PAH: variants seen among roughly 807,000 people sequenced by gnomAD.
The protein encoded by PAH is phenylalanine-4-hydroxylase.
In PAH, 64 loss-of-function variants were observed where a neutral mutation model predicts 62.0. The ratio of observed to expected loss-of-function variants is 1.03; its 90% CI spans 0.84 to 1.27. The LOEUF (loss-of-function observed/expected upper bound fraction) is 1.27. Ranked by LOEUF, PAH falls within the 50% of genes most tolerant of loss-of-function variation. The probability of loss-of-function intolerance (pLI) is 0.00; values close to 1 mark genes in which losing one functional copy is unlikely to be tolerated. For synonymous variants in PAH, 195 were observed against 196.2 expected (o/e 0.99, Z 0.05); for missense variants, 579 against 542.8 (o/e 1.07, Z -0.66).
chr12:102,842,059 A>C (rs1874616726), intron 11 of PAH, among the ~76,000 whole-genome samples: 1 of 152,100 alleles, frequency 6.6e-6, no homozygotes. Context: ...TGGGGTTTTC[A>C]TGGTTGTTTC....
intron 4 of PAH, among the ~76,000 whole-genome samples, chr12:102,875,807 G>A (rs1226423291): frequency 1.3e-5 from 2 of 152,134 alleles, no homozygotes; most frequent in Non-Finnish European, 2.9e-5. Flanking sequence ...AAGTTCACGT[G>A]AAAATACATA....
chr12:102,909,470 T>C (rs1009073828), intron 2 of PAH, among the ~76,000 whole-genome samples: 7 of 152,188 alleles, frequency 4.6e-5, no homozygotes, highest in South Asian at 2.1e-4. Context: ...TTTGGTCACA[T>C]GGCTGAGGTG....
chr12:102,954,279 A>C (rs569867279), upstream of PAH, among the ~76,000 whole-genome samples: 1 of 152,328 alleles, frequency 6.6e-6, no homozygotes, highest in Admixed American at 6.5e-5. Flanking sequence ...AATGACAGGA[A>C]TGACTCACCC....
At chr12:102,844,730 C>A (rs1030600808) in intron 9 of PAH, among the ~76,000 whole-genome samples, 1 of 152,146 alleles carries the variant, frequency 6.6e-6, no homozygotes, top group Non-Finnish European at 1.5e-5. Context: ...GTTTCTCCTA[C>A]CCTTAGACAT....
At chr12:102,857,281 T>G (rs2136652166) in intron 5 of PAH, among the ~76,000 whole-genome samples, 1 of 151,308 alleles carries the variant, frequency 6.6e-6, no homozygotes. Context: ...GAAAAAAGAG[T>G]AAAAAGAAAT....
rs181384745 is a variant in PAH at position 102,950,626 on chromosome 12, G to A, written c.-133C>T. On this transcript the variant is annotated 5_prime_UTR_variant, in exon 1 of 4. Coordinates refer to the PAH transcript ENST00000546844. ...GGTAAACTGCCCTTGCTTTCCGGAGGCGGCAGGAACGTTTCAGGAGCTCCA... is the reference window on the plus strand; with the variant it reads ...GGTAAACTGCCCTTGCTTTCCGGAGACGGCAGGAACGTTTCAGGAGCTCCA... 2.1e-3 allele frequency: 323 copies of A among 152,454 alleles called. 4 individuals carry two copies. In the South Asian group the frequency reaches 0.033, roughly 16 times the overall value. The allele number at this position is 152,454 out of a possible 1,614,324, so 9.4% of individuals were successfully genotyped here. A position where few individuals can be genotyped will look rare whatever the true frequency, so the allele number is the denominator to read the frequency against.
Position 102,855,261 on chromosome 12 carries a change from A to C in PAH, c.581T>G (p.Leu194Arg). Residue 194 changes from leucine to arginine, a missense_variant, in exon 6 of 13, where the codon CTG becomes CGG. Transcript: ENST00000553106. ...KKTWGTVFKT[L>R]KSLYKTHACY... ...AGCATGGGTTTTATACAAGGACTTC[A>C]GAGTCTTGAACACTGTGCCCCATGT... 3.1e-6 allele frequency: 5 copies of C among 1,614,120 alleles called. No individual in the cohort carries two copies. The highest frequency in any genetic ancestry group is 4.2e-6 in the Non-Finnish European group (5 of 1,179,942).
At chr12:102,925,099 G>A (rs1410601922) in intron 1 of PAH, among the ~76,000 whole-genome samples, 1 of 152,118 alleles carries the variant, frequency 6.6e-6, no homozygotes, top group Non-Finnish European at 1.5e-5. Flanking sequence ...AATAAAAACT[G>A]CCTTTCCCAG....
intron 2 of PAH, among the ~76,000 whole-genome samples, chr12:102,896,418 T>G (rs1877504730): frequency 6.6e-6 from 1 of 152,164 alleles, no homozygotes; most frequent in African/African-American, 2.4e-5. Flanking sequence ...ATAGGGATCT[T>G]TGCAAGATTT....
intron 1 of PAH, among the ~76,000 whole-genome samples, chr12:102,916,144 A>T (rs1014349563): frequency 4.7e-5 from 7 of 149,960 alleles, no homozygotes; most frequent in African/African-American, 7.3e-5. Flanking sequence ...TTCATAAGAA[A>T]TTTTTTTTTT....
intron 3 of PAH, among the ~76,000 whole-genome samples, chr12:102,879,629 C>T (rs1876736411): frequency 6.6e-6 from 1 of 151,018 alleles, no homozygotes; most frequent in South Asian, 2.1e-4. Flanking sequence ...TATTAATGTT[C>T]CCATTTTAAA....
chr12:102,954,480 A>G (rs534744015), upstream of PAH, among the ~76,000 whole-genome samples: 35 of 152,292 alleles, frequency 2.3e-4, no homozygotes, highest in African/African-American at 8.2e-4. Flanking sequence ...CTCTACATAC[A>G]TATCATTGAA....
At chr12:102,875,346 C>T (rs1164192033) in intron 4 of PAH, among the ~76,000 whole-genome samples, 1 of 152,180 alleles carries the variant, frequency 6.6e-6, no homozygotes, top group African/African-American at 2.4e-5. Context: ...TTGGAGTCTT[C>T]CACTGTCCCA....
intron 5 of PAH, among the ~76,000 whole-genome samples, chr12:102,866,074 C>T: frequency 7.8e-6 from 1 of 128,996 alleles, no homozygotes; most frequent in Admixed American, 7.4e-5. Flanking sequence ...AACACAGAAC[C>T]CCAGACAGGA....
chr12:102,943,666 G>A (rs1879376206), intron 1 of PAH, among the ~76,000 whole-genome samples: 1 of 152,126 alleles, frequency 6.6e-6, no homozygotes, highest in Admixed American at 6.5e-5. Context: ...CAAACTAGAT[G>A]CCCATCAATG....
chr12:102,889,668 T>C (rs985972438), intron 3 of PAH, among the ~76,000 whole-genome samples: 2 of 152,146 alleles, frequency 1.3e-5, no homozygotes, highest in Non-Finnish European at 2.9e-5. Context: ...ATAATCACCA[T>C]AGATTAAACA....
chr12:102,953,540 G>T (rs1351577665), upstream of PAH: 2 of 152,188 alleles, frequency 1.3e-5, no homozygotes, highest in Non-Finnish European at 2.9e-5. Flanking sequence ...AGGGCACAGG[G>T]TCTCTGATCT....
chr12:102,898,331 C>CTAA (rs1039810157), intron 2 of PAH, among the ~76,000 whole-genome samples: 17 of 152,178 alleles, frequency 1.1e-4, no homozygotes, highest in African/African-American at 4.1e-4. Flanking sequence ...AAATCATCTG[C>CTAA]TACTTAGTCA....
chr12:102,843,997 C>T (rs918863691), intron 10 of PAH, among the ~76,000 whole-genome samples: 1 of 152,086 alleles, frequency 6.6e-6, no homozygotes, highest in Non-Finnish European at 1.5e-5. Context: ...GTAATTCATT[C>T]CAATTACTTT....
Sources: allele counts gnomAD v4.1 joint callset (sites outside exome capture counted in the v4.1 genomes callset), GRCh38; gene constraint gnomAD v4.1.1; transcripts MANE v1.5; gene names NCBI Gene and HGNC (gene_info 2026-07-23, HGNC 2026-07-21).